The following TMTC1 variants were observed in gnomAD, a reference collection of about 807,000 sequenced individuals.
TMTC1 encodes transmembrane O-mannosyltransferase targeting cadherins 1, also known as protein O-mannosyl-transferase TMTC1.
In TMTC1, 73 loss-of-function variants were observed where a neutral mutation model predicts 104.8. That is an observed-to-expected ratio of 0.70 (90% CI 0.58 to 0.85). The LOEUF (loss-of-function observed/expected upper bound fraction) is 0.85. TMTC1 is among the 40% of genes least tolerant of loss of function. The pLI, the probability that TMTC1 is intolerant of heterozygous loss-of-function variation, is 0.00. For missense variants in TMTC1, 1,035 were observed against 1,096.1 expected (o/e 0.94, Z 0.79); for synonymous variants, 434 against 428.7 (o/e 1.01, Z -0.15).
chr12:29,545,629 T>A (rs933172397), intron 10 of TMTC1, among the ~76,000 whole-genome samples: 1 of 73,530 alleles, frequency 1.4e-5, no homozygotes, highest in Non-Finnish European at 2.7e-5. Context: ...CAAGACTCTG[T>A]CACACACACA....
In TMTC1 at chr12:29,735,389, A is replaced by G. The variant is rs540275210; in HGVS notation, c.938+16277T>C. Among the ~76,000 whole-genome samples the G allele has an allele frequency of 2.0e-5, 3 of 152,206 alleles. No homozygotes were observed. In the East Asian group the frequency reaches 5.8e-4, roughly 29 times the overall value. On this transcript the variant is annotated intron_variant, in intron 5 of 17. Transcript: ENST00000539277. Reference sequence around the variant, plus strand: ...CCCTTACTGAAGTTGCAAAATGCAGATAAGAATGGCACCAAGCACATAGAG... The same window carrying G: ...CCCTTACTGAAGTTGCAAAATGCAGGTAAGAATGGCACCAAGCACATAGAG...
chr12:29,704,384 A>G (rs1482170001), intron 5 of TMTC1, among the ~76,000 whole-genome samples: 2 of 152,246 alleles, frequency 1.3e-5, no homozygotes, highest in African/African-American at 4.8e-5. Context: ...GAACAGATGA[A>G]TGATAGAAAG....
intron 1 of TMTC1, among the ~76,000 whole-genome samples, chr12:29,772,348 T>C (rs115206020): frequency 0.014 from 2,076 of 152,272 alleles, 48 homozygotes; most frequent in African/African-American, 0.047. Context: ...TCATTTATCA[T>C]TATGCACACA....
intron 9 of TMTC1, among the ~76,000 whole-genome samples, chr12:29,563,551 G>A (rs939358044): frequency 1.3e-5 from 2 of 152,114 alleles, no homozygotes; most frequent in African/African-American, 4.8e-5. Context: ...TATATAATGG[G>A]CAGGAGCTAG....
intron 11 of TMTC1, chr12:29,535,157 G>A (rs763822613): frequency 1.3e-5 from 2 of 152,272 alleles, no homozygotes; most frequent in Non-Finnish European, 2.9e-5. Flanking sequence ...GAGGTGAGAT[G>A]AAGCAACACT....
chr12:29,575,417 C>T lies in TMTC1; in HGVS notation c.1419-3199G>A, dbSNP rs556932874. ...GTCAGATTAAGAGGAGAATTCCATA[C>T]AATGTGTTAAAGCCGTTGGGGAAGT... On this transcript the variant is annotated intron_variant, in intron 8 of 17. Coordinates refer to ENST00000539277, the MANE Select transcript of TMTC1 (RefSeq NM_001193451.2). Among the ~76,000 whole-genome samples, 4 of 152,044 alleles carry T rather than the reference C, an allele frequency of 2.6e-5. No individual in the cohort carries two copies. The East Asian group carries it at 7.8e-4, about 30-fold the overall frequency.
chr12:29,585,282 G>T (rs140606510), intron 7 of TMTC1, among the ~76,000 whole-genome samples: 3 of 152,036 alleles, frequency 2.0e-5, no homozygotes, highest in African/African-American at 7.3e-5. Flanking sequence ...CTTTTTGATG[G>T]GGTTGTTTGT....
intron 2 of TMTC1, among the ~76,000 whole-genome samples, chr12:29,766,198 C>T (rs1249902876): frequency 6.6e-6 from 1 of 152,160 alleles, no homozygotes; most frequent in East Asian, 1.9e-4. Flanking sequence ...ATAAAGTGAT[C>T]TTTCTTCATC....
chr12:29,578,558 C>T (rs1945887843), intron 8 of TMTC1, among the ~76,000 whole-genome samples: 1 of 152,204 alleles, frequency 6.6e-6, no homozygotes, highest in African/African-American at 2.4e-5. Flanking sequence ...TTAATAATTA[C>T]AACAGTGATT....
chr12:29,750,757 C>T (rs1240248438), intron 5 of TMTC1, among the ~76,000 whole-genome samples: 1 of 152,130 alleles, frequency 6.6e-6, no homozygotes, highest in Non-Finnish European at 1.5e-5. Flanking sequence ...ACTCTGGCAC[C>T]CTGCATCCCT....
intron 6 of TMTC1, among the ~76,000 whole-genome samples, chr12:29,606,528 T>C (rs1317924689): frequency 6.6e-6 from 1 of 152,218 alleles, no homozygotes; most frequent in African/African-American, 2.4e-5. Flanking sequence ...TTTATAGAGA[T>C]AGTTGATTAC....
chr12:29,770,942 ATCTTT>A (rs1278242206), intron 1 of TMTC1, among the ~76,000 whole-genome samples: 1 of 152,210 alleles, frequency 6.6e-6, no homozygotes, highest in Admixed American at 6.5e-5. Flanking sequence ...CATGCATCAC[ATCTTT>A]ATTTTAACAA....
intron 10 of TMTC1, among the ~76,000 whole-genome samples, chr12:29,551,402 T>A (rs1010915803): frequency 6.6e-6 from 1 of 152,200 alleles, no homozygotes; most frequent in African/African-American, 2.4e-5. Flanking sequence ...ATATTCAATT[T>A]TCTAAAGGAT....
At chr12:29,643,289 T>A (rs1054689766) in intron 5 of TMTC1, among the ~76,000 whole-genome samples, 14 of 151,446 alleles carry the variant, frequency 9.2e-5, no homozygotes, top group Non-Finnish European at 4.4e-5. Flanking sequence ...AATCCCACAC[T>A]GGGTATCTAC....
intron 5 of TMTC1, among the ~76,000 whole-genome samples, chr12:29,663,503 T>A (rs943140320): frequency 6.6e-6 from 1 of 151,998 alleles, no homozygotes; most frequent in Non-Finnish European, 1.5e-5. Flanking sequence ...GTTTAGGATA[T>A]TTTTAGGTAA....
chr12:29,644,149 GTATATATATA>G (rs149004557), intron 5 of TMTC1, among the ~76,000 whole-genome samples: 2 of 49,388 alleles, frequency 4.0e-5, no homozygotes, highest in African/African-American at 7.3e-5. Context: ...GTGTGTGTGT[GTATATATATA>G]TATAATGAAA....
At chr12:29,543,231 C>G (rs573277626) in intron 10 of TMTC1, among the ~76,000 whole-genome samples, 1 of 152,164 alleles carries the variant, frequency 6.6e-6, no homozygotes, top group South Asian at 2.1e-4. Context: ...ACATTTGCAT[C>G]GTGTCACTTT....
intron 7 of TMTC1, among the ~76,000 whole-genome samples, chr12:29,600,117 G>A (rs1946525896): frequency 7.1e-6 from 1 of 140,388 alleles, no homozygotes; most frequent in African/African-American, 2.8e-5. Context: ...TGATTCCTGG[G>A]TTAAAAAAAA....
At chr12:29,731,148 A>G (rs1942534624) in intron 5 of TMTC1, among the ~76,000 whole-genome samples, 1 of 152,206 alleles carries the variant, frequency 6.6e-6, no homozygotes, top group Non-Finnish European at 1.5e-5. Flanking sequence ...GCTGATAATA[A>G]TCTAAAAGTC....
Sources: allele counts gnomAD v4.1 joint callset (sites outside exome capture counted in the v4.1 genomes callset), GRCh38; gene constraint gnomAD v4.1.1; transcripts MANE v1.5; gene names NCBI Gene and HGNC (gene_info 2026-07-23, HGNC 2026-07-21).